Variants in XKR4 observed in about 807,000 individuals in gnomAD.
XKR4 encodes the protein XK related 4, also known as XK-related protein 4.
A neutral mutation model predicts 53.9 loss-of-function variants in XKR4; 12 were observed. The ratio of observed to expected loss-of-function variants is 0.22; its 90% CI spans 0.14 to 0.36. The LOEUF is 0.36. XKR4 is among the 10% of genes least tolerant of loss of function. The pLI, the probability that XKR4 is intolerant of heterozygous loss-of-function variation, is 1.00. For synonymous variants in XKR4, 354 were observed against 362.4 expected (o/e 0.98, Z 0.26); for missense variants, 799 against 859.5 (o/e 0.93, Z 0.88).
chr8:55,438,669 G>T (rs1423886697), intron 2 of XKR4, among the ~76,000 whole-genome samples: 2 of 150,846 alleles, frequency 1.3e-5, no homozygotes, highest in Non-Finnish European at 2.9e-5. Flanking sequence ...ATTTAAAGAA[G>T]AAATTGGTGA....
chr8:55,182,026 T>A (rs1817317029), intron 1 of XKR4, among the ~76,000 whole-genome samples: 3 of 152,222 alleles, frequency 2.0e-5, no homozygotes, highest in South Asian at 4.1e-4. Flanking sequence ...TCCTCATGTA[T>A]TCCATGACTT....
chr8:55,519,653 A>G (rs1806770454), intron 2 of XKR4, among the ~76,000 whole-genome samples: 1 of 152,232 alleles, frequency 6.6e-6, no homozygotes, highest in African/African-American at 2.4e-5. Flanking sequence ...AAATTTTGGA[A>G]TGGACATTGT....
intron 1 of XKR4, among the ~76,000 whole-genome samples, chr8:55,174,537 C>T (rs62516999): frequency 0.014 from 2,113 of 152,016 alleles, 36 homozygotes; most frequent in South Asian, 0.032. Flanking sequence ...TCTAATTGAA[C>T]ATTTCTATTA....
intron 2 of XKR4, among the ~76,000 whole-genome samples, chr8:55,441,874 A>G (rs1328533723): frequency 6.6e-6 from 1 of 152,150 alleles, no homozygotes; most frequent in African/African-American, 2.4e-5. Context: ...GAAGAAAACA[A>G]TAAGTTTAAA....
intron 2 of XKR4, among the ~76,000 whole-genome samples, chr8:55,481,420 T>C (rs1433515954): frequency 6.6e-6 from 1 of 151,946 alleles, no homozygotes; most frequent in Non-Finnish European, 1.5e-5. Context: ...GACTTACATG[T>C]TAGACCTAAA....
At chr8:55,407,378 A>G (rs1189426877) in intron 2 of XKR4, among the ~76,000 whole-genome samples, 2 of 152,276 alleles carry the variant, frequency 1.3e-5, no homozygotes, top group African/African-American at 4.8e-5. Context: ...TTATGGAGTT[A>G]CAGTGGTCAT....
At chr8:55,196,740 C>T (rs919792967) in intron 1 of XKR4, among the ~76,000 whole-genome samples, 1 of 152,066 alleles carries the variant, frequency 6.6e-6, no homozygotes, top group Non-Finnish European at 1.5e-5. Flanking sequence ...GATTTTCATT[C>T]TATTAAAAGA....
intron 2 of XKR4, among the ~76,000 whole-genome samples, chr8:55,363,317 G>GA (rs1187647880): frequency 6.6e-6 from 1 of 151,992 alleles, no homozygotes; most frequent in Non-Finnish European, 1.5e-5. Context: ...AGAAGAATAT[G>GA]AAAAAAACTC....
At chr8:55,291,963 GGC>G (rs571200918) in intron 1 of XKR4, among the ~76,000 whole-genome samples, 201 of 151,958 alleles carry the variant, frequency 1.3e-3, no homozygotes, top group Non-Finnish European at 2.5e-3. Flanking sequence ...CTTCCTTCAT[GGC>G]CTATTAAGGT....
At chr8:55,485,098 A>G (rs1375233808) in intron 2 of XKR4, among the ~76,000 whole-genome samples, 2 of 152,264 alleles carry the variant, frequency 1.3e-5, no homozygotes, top group Non-Finnish European at 1.5e-5. Flanking sequence ...AAATCTAGGA[A>G]GAGAGGAGAA....
chr8:55,147,323 A>T (rs954058030), intron 1 of XKR4, among the ~76,000 whole-genome samples: 1 of 152,244 alleles, frequency 6.6e-6, no homozygotes, highest in Non-Finnish European at 1.5e-5. Context: ...CATAAGCAAG[A>T]GATTGGGAAA....
intron 2 of XKR4, among the ~76,000 whole-genome samples, chr8:55,410,923 C>T (rs746628357): frequency 6.6e-6 from 1 of 152,176 alleles, no homozygotes; most frequent in Non-Finnish European, 1.5e-5. Flanking sequence ...CCCCACCCTT[C>T]CCAAGACAGA....
chr8:55,446,427 C>T lies in XKR4; in HGVS notation c.1007-76854C>T, dbSNP rs1490985684. Among the ~76,000 whole-genome samples, 3 of 152,122 alleles carry T rather than the reference C, an allele frequency of 2.0e-5. No homozygotes were observed. The East Asian group carries it at 5.8e-4, about 29-fold the overall frequency. On this transcript the variant is annotated intron_variant, in intron 2 of 2. Transcript: ENST00000327381. The stretch of plus-strand genomic sequence containing the variant: ...TGCAATCTCAGCTCACTGCAACCTC[C>T]ATCTCCAGGGTTCAAGTGATTCTCC...
chr8:55,356,113 G>A (rs954456978), intron 1 of XKR4, among the ~76,000 whole-genome samples: 4 of 152,192 alleles, frequency 2.6e-5, no homozygotes, highest in African/African-American at 9.7e-5. Context: ...AAATACTGTA[G>A]AGACATTGGC....
chr8:55,496,260 T>C (rs1467938670), intron 2 of XKR4, among the ~76,000 whole-genome samples: 1 of 152,246 alleles, frequency 6.6e-6, no homozygotes, highest in Non-Finnish European at 1.5e-5. Context: ...GAAACCTTTC[T>C]ATAGTCAACA....
chr8:55,424,817 G>A (rs1419982970), intron 2 of XKR4, among the ~76,000 whole-genome samples: 1 of 152,192 alleles, frequency 6.6e-6, no homozygotes, highest in Non-Finnish European at 1.5e-5. Context: ...CTGAACTTCA[G>A]CGTCACTCTC....
At chr8:55,125,686 C>T (rs1454365156) in intron 1 of XKR4, among the ~76,000 whole-genome samples, 1 of 151,974 alleles carries the variant, frequency 6.6e-6, no homozygotes, top group African/African-American at 2.4e-5. Flanking sequence ...TTTTCCCTAG[C>T]ATCAAATTTC....
At chr8:55,174,821 G>A (rs571576129) in intron 1 of XKR4, among the ~76,000 whole-genome samples, 58 of 152,284 alleles carry the variant, frequency 3.8e-4, no homozygotes, top group Admixed American at 6.5e-4. Flanking sequence ...CTGATTCGGT[G>A]GCACCAGAAA....
At chr8:55,428,355 G>T (rs1447920036) in intron 2 of XKR4, among the ~76,000 whole-genome samples, 1 of 152,066 alleles carries the variant, frequency 6.6e-6, no homozygotes, top group Non-Finnish European at 1.5e-5. Context: ...CAATCAAAAA[G>T]CCCCCAAAAA....
Sources: allele counts gnomAD v4.1 joint callset (sites outside exome capture counted in the v4.1 genomes callset), GRCh38; gene constraint gnomAD v4.1.1; transcripts MANE v1.5; gene names NCBI Gene and HGNC (gene_info 2026-07-23, HGNC 2026-07-21).